The following CSMD1 variants were observed in gnomAD, a reference collection of about 807,000 sequenced individuals.
CSMD1 encodes CUB and Sushi multiple domains 1.
CSMD1 carries 213 observed loss-of-function variants against 417.5 expected under a neutral mutation model. The ratio of observed to expected loss-of-function variants is 0.51; its 90% CI spans 0.46 to 0.57. CSMD1 has a LOEUF of 0.57. CSMD1 is among the 20% of genes least tolerant of loss of function. The pLI is 0.00. For missense variants in CSMD1, 6,923 were observed against 4,529.7 expected (o/e 1.53, Z -15.17); for synonymous variants, 2,862 against 1,736.8 (o/e 1.65, Z -16.11).
chr8:4,246,605 G>C (rs1802726569), intron 3 of CSMD1, among the ~76,000 whole-genome samples: 1 of 152,134 alleles, frequency 6.6e-6, no homozygotes, highest in East Asian at 1.9e-4. Flanking sequence ...TTGATATGAT[G>C]GGTCTAGCTT....
intron 5 of CSMD1, among the ~76,000 whole-genome samples, chr8:3,763,297 T>C (rs1798108550): frequency 6.6e-6 from 1 of 152,176 alleles, no homozygotes; most frequent in African/African-American, 2.4e-5. Flanking sequence ...TGTTGACATA[T>C]GATTGCCGGT....
chr8:4,719,091 T>C (rs1238391880), intron 1 of CSMD1, among the ~76,000 whole-genome samples: 1 of 152,116 alleles, frequency 6.6e-6, no homozygotes, highest in Non-Finnish European at 1.5e-5. Flanking sequence ...TTTAATGTGG[T>C]TGGTTTCTGC....
At chr8:3,387,012 G>C (rs1050044124) in intron 18 of CSMD1, among the ~76,000 whole-genome samples, 9 of 152,284 alleles carry the variant, frequency 5.9e-5, no homozygotes, top group African/African-American at 1.9e-4. Flanking sequence ...ATCACAAAAA[G>C]CTGCTGAAGA....
intron 2 of CSMD1, among the ~76,000 whole-genome samples, chr8:4,489,656 G>A (rs573003455): frequency 3.3e-5 from 5 of 152,144 alleles, no homozygotes; most frequent in East Asian, 1.9e-4. Flanking sequence ...CTAAGGTGAC[G>A]GCATGCGTGT....
intron 3 of CSMD1, among the ~76,000 whole-genome samples, chr8:4,356,279 G>A (rs770698925): frequency 2.0e-5 from 3 of 151,878 alleles, no homozygotes; most frequent in Non-Finnish European, 4.4e-5. Context: ...TGCAAATGCT[G>A]TTCATTCATT....
At chr8:4,027,510 C>A (rs111256757) in intron 4 of CSMD1, among the ~76,000 whole-genome samples, 1 of 152,126 alleles carries the variant, frequency 6.6e-6, no homozygotes, top group African/African-American at 2.4e-5. Context: ...GGGTCTTTCA[C>A]CCTTCACTCT....
At chr8:4,895,347 ATGTAAG>A (rs995673164) in intron 1 of CSMD1, among the ~76,000 whole-genome samples, 11 of 152,190 alleles carry the variant, frequency 7.2e-5, no homozygotes, top group African/African-American at 2.4e-4. Context: ...TTCTGGAGTA[ATGTAAG>A]TGTAACAGCA....
chr8:4,065,292 T>A (rs1203598253), intron 3 of CSMD1, among the ~76,000 whole-genome samples: 1 of 152,124 alleles, frequency 6.6e-6, no homozygotes, highest in East Asian at 1.9e-4. Context: ...TGCTTCCCCA[T>A]CCCCCTCAGT....
chr8:3,790,937 C>T (rs543497797), intron 5 of CSMD1, among the ~76,000 whole-genome samples: 2 of 152,084 alleles, frequency 1.3e-5, no homozygotes, highest in African/African-American at 4.8e-5. Flanking sequence ...ACAGATGACA[C>T]CTGTCATTTT....
intron 5 of CSMD1, among the ~76,000 whole-genome samples, chr8:3,946,616 G>T (rs906629605): frequency 2.0e-5 from 3 of 152,080 alleles, no homozygotes; most frequent in African/African-American, 4.8e-5. Context: ...CTGGAATTGT[G>T]TTGATCCTAC....
chr8:3,011,625 G>A (rs1291665581), intron 52 of CSMD1, among the ~76,000 whole-genome samples: 1 of 152,058 alleles, frequency 6.6e-6, no homozygotes, highest in African/African-American at 2.4e-5. Flanking sequence ...TCTAACAATA[G>A]CAAAACAATC....
At chr8:3,123,176 A>C (rs1817304369) in intron 41 of CSMD1, among the ~76,000 whole-genome samples, 1 of 152,194 alleles carries the variant, frequency 6.6e-6, no homozygotes. Flanking sequence ...CCAAATCAGC[A>C]TCTCTCTCTT....
At chr8:3,760,846 G>C (rs1344342984) in intron 5 of CSMD1, among the ~76,000 whole-genome samples, 2 of 152,144 alleles carry the variant, frequency 1.3e-5, no homozygotes, top group African/African-American at 2.4e-5. Context: ...TATTGGGAGA[G>C]GCTTTAAATG....
At chr8:4,064,862 G>C (rs553032522) in intron 3 of CSMD1, among the ~76,000 whole-genome samples, 4 of 152,076 alleles carry the variant, frequency 2.6e-5, no homozygotes, top group East Asian at 3.9e-4. Context: ...TACTGTGTTT[G>C]TAATGTGTGT....
chr8:4,183,956 G>T (rs184148248), intron 3 of CSMD1, among the ~76,000 whole-genome samples: 10 of 152,100 alleles, frequency 6.6e-5, no homozygotes, highest in Admixed American at 1.3e-4. Flanking sequence ...CTGCTCCTGA[G>T]AACACAGAAG....
intron 40 of CSMD1, among the ~76,000 whole-genome samples, chr8:3,143,036 C>T (rs1384760920): frequency 2.0e-5 from 3 of 152,178 alleles, no homozygotes; most frequent in Non-Finnish European, 4.4e-5. Context: ...TTATGACAAT[C>T]TTAAATATGA....
intron 5 of CSMD1, among the ~76,000 whole-genome samples, chr8:3,793,497 GC>G (rs1362895338): frequency 4.2e-5 from 6 of 143,688 alleles, no homozygotes; most frequent in Non-Finnish European, 7.6e-5. Context: ...GCCCTCTTGT[GC>G]CCCCCTCTCT....
chr8:4,433,884 T>C (rs955250625), intron 2 of CSMD1, among the ~76,000 whole-genome samples: 1 of 152,130 alleles, frequency 6.6e-6, no homozygotes, highest in African/African-American at 2.4e-5. Context: ...CCCCATTTCT[T>C]TGACAATCCT....
At chr8:3,651,268 G>C (rs1797842398) in intron 7 of CSMD1, among the ~76,000 whole-genome samples, 2 of 152,076 alleles carry the variant, frequency 1.3e-5, no homozygotes, top group African/African-American at 2.4e-5. Flanking sequence ...CACCTCAAAG[G>C]ATTCCATTTC....
Sources: allele counts gnomAD v4.1 joint callset (sites outside exome capture counted in the v4.1 genomes callset), GRCh38; gene constraint gnomAD v4.1.1; transcripts MANE v1.5; gene names NCBI Gene and HGNC (gene_info 2026-07-23, HGNC 2026-07-21).